The following ELFN2 variants were observed in gnomAD, a reference collection of about 807,000 sequenced individuals.
The protein encoded by ELFN2 is extracellular leucine rich repeat and fibronectin type III domain containing 2.
A neutral mutation model predicts 45.5 loss-of-function variants in ELFN2; 17 were observed. The observed-to-expected ratio is 0.37, with a 90% CI of 0.26 to 0.56. ELFN2 has a LOEUF of 0.56. Ranked by LOEUF, ELFN2 falls within the 20% of genes least tolerant of loss-of-function variation. The pLI is 0.77. For missense variants in ELFN2, 922 were observed against 1,183.2 expected (o/e 0.78, Z 3.24); for synonymous variants, 550 against 551.5 (o/e 1.00, Z 0.04).
chr22:37,372,114 C>G lies in ELFN2; in HGVS notation c.*958G>C, dbSNP rs1021562681. 1 of 152,478 alleles carries G rather than the reference C, an allele frequency of 6.6e-6. No homozygotes were observed. The highest frequency in any genetic ancestry group is 1.5e-5 in the Non-Finnish European group (1 of 68,122). The allele number at this position is 152,478 out of a possible 1,614,324, so 9.4% of individuals were successfully genotyped here. A position where few individuals can be genotyped will look rare whatever the true frequency, so the allele number is the denominator to read the frequency against. ...GGACCAGAGAAGCTGGGGCCGGGAG[C>G]CTGCACCTGAGACGTCCTGGGAGCT... On this transcript the variant is annotated 3_prime_UTR_variant, in exon 3 of 3. Coordinates refer to ENST00000402918, the MANE Select transcript of ELFN2 (RefSeq NM_052906.5). The surrounding 1 kb of genome is among the most constrained non-coding windows in gnomAD (Gnocchi z 4.4).
intron 1 of ELFN2, among the ~76,000 whole-genome samples, chr22:37,351,558 C>T (rs923912551): frequency 1.3e-5 from 2 of 148,970 alleles, no homozygotes; most frequent in Non-Finnish European, 3.0e-5. Context: ...TCTCACTCTG[C>T]CCCTTCCCCA....
In ELFN2 at chr22:37,373,740, G is replaced by A. The variant is rs758584905; in HGVS notation, c.1795C>T (p.Pro599Ser). ...SATGPGALER[P>S]SFLSPPYKES... ...TTGTAGGGAGGCGAAAGGAAGCTGG[G>A]CCGCTCCAGGGCCCCGGGGCCAGTG... The change falls in exon 3 of 3, where the codon CCC becomes TCC. Residue 599 changes from proline (P) to serine (S), a missense_variant. By Grantham distance (74) the Pro-to-Ser change is moderately conservative. Around this residue, in one of 2 missense-constraint regions of ELFN2, gnomAD observed 564 missense variants for 642.8 expected, o/e 0.88. Transcript: ENST00000402918. 2.6e-6 allele frequency: 4 copies of A among 1,564,172 alleles called. No individual in the cohort carries two copies. The highest frequency in any genetic ancestry group is 8.6e-7 in the Non-Finnish European group (1 of 1,162,562).
chr22:37,412,554 T>C (rs1932675034), intron 2 of ELFN2, among the ~76,000 whole-genome samples: 1 of 152,066 alleles, frequency 6.6e-6, no homozygotes, highest in East Asian at 1.9e-4. Flanking sequence ...CTCCTCTCCC[T>C]TCTTCCTGGC....
At chr22:37,411,652 T>C (rs910624175) in intron 2 of ELFN2, among the ~76,000 whole-genome samples, 1 of 152,144 alleles carries the variant, frequency 6.6e-6, no homozygotes, top group Non-Finnish European at 1.5e-5. Context: ...CTACCTCCTA[T>C]GCTGGGTGGG....
At chr22:37,410,845 C>T (rs528196392) in intron 2 of ELFN2, among the ~76,000 whole-genome samples, 69 of 152,336 alleles carry the variant, frequency 4.5e-4, no homozygotes, top group African/African-American at 1.5e-3. Context: ...GCTCCTTCCA[C>T]GACATCCTGT....
intron 2 of ELFN2, among the ~76,000 whole-genome samples, chr22:37,406,204 T>C (rs1307908444): frequency 6.6e-6 from 1 of 152,108 alleles, no homozygotes; most frequent in Non-Finnish European, 1.5e-5. Context: ...TGTACCATTG[T>C]CCCGAGGGCT....
intron 2 of ELFN2, among the ~76,000 whole-genome samples, chr22:37,416,986 T>G (rs1225744255): frequency 6.6e-6 from 1 of 151,590 alleles, no homozygotes; most frequent in African/African-American, 2.4e-5. Flanking sequence ...CCTTTCTCTG[T>G]CTCCTCCTCT....
At position 37,413,097 on chromosome 22, in the gene ELFN2, G is replaced by A. The variant is rs553309070; in HGVS notation, c.-463+4672C>T. On this transcript the variant is annotated intron_variant, in intron 2 of 2. Transcript: ENST00000402918. ...TGCAGGGGCTGCTGTGGCCACAGAC[G>A]GGGTGAGGTACAGGAAGAAAATCCC... Among the ~76,000 whole-genome samples the A allele has an allele frequency of 3.2e-3, 482 of 152,278 alleles. 8 individuals are homozygous for A. Among genetic ancestry groups the A allele is most frequent in the African/African-American group, 0.011 (453 of 41,562 alleles).
downstream of ELFN2, among the ~76,000 whole-genome samples, chr22:37,364,469 G>A (rs1019229050): frequency 5.9e-5 from 9 of 152,214 alleles, no homozygotes; most frequent in Non-Finnish European, 8.8e-5. Flanking sequence ...AGGGGACAGG[G>A]GCCAGCTGGG....
chr22:37,384,125 T>A (rs560695549), intron 2 of ELFN2, among the ~76,000 whole-genome samples: 66 of 152,114 alleles, frequency 4.3e-4, no homozygotes, highest in African/African-American at 1.6e-3. Flanking sequence ...ACCTACTCCA[T>A]GTCCAGGCCT....
At chr22:37,396,340 C>T (rs1043144051) in intron 2 of ELFN2, among the ~76,000 whole-genome samples, 5 of 152,202 alleles carry the variant, frequency 3.3e-5, no homozygotes, top group African/African-American at 1.2e-4. Context: ...GCTGTGTCCC[C>T]ACCATGTCCC....
intron 1 of ELFN2, among the ~76,000 whole-genome samples, chr22:37,424,604 C>G (rs1932834242): frequency 6.6e-6 from 1 of 151,980 alleles, no homozygotes; most frequent in South Asian, 2.1e-4. Context: ...AGCTCCATAT[C>G]TCTCCAGGAA....
chr22:37,387,188 C>A (rs1931969916), intron 2 of ELFN2, among the ~76,000 whole-genome samples: 1 of 152,290 alleles, frequency 6.6e-6, no homozygotes, highest in East Asian at 1.9e-4. Context: ...TGTCCCTGTC[C>A]CCTCTCTGAT....
In ELFN2 at chr22:37,369,903, T is replaced by C. The variant is rs114998534; in HGVS notation, c.*3169A>G. Reference sequence around the variant, plus strand: ...GGCCTGCCCCAGACCACAGCCCAGCTCCACCATGCTCATCATCATCACAAA... The same window carrying C: ...GGCCTGCCCCAGACCACAGCCCAGCCCCACCATGCTCATCATCATCACAAA... On this transcript the variant is annotated 3_prime_UTR_variant, in exon 3 of 3. Coordinates refer to ENST00000402918, the MANE Select transcript of ELFN2 (RefSeq NM_052906.5). 1,103 of 152,344 alleles carry C rather than the reference T, an allele frequency of 7.2e-3. 8 individuals carry two copies. The highest frequency in any genetic ancestry group is 0.025 in the African/African-American group (1,037 of 41,488). The allele number at this position is 152,344 out of a possible 1,614,324, so 9.4% of individuals were successfully genotyped here.
At chr22:37,416,637 C>G (rs968112783) in intron 2 of ELFN2, among the ~76,000 whole-genome samples, 1 of 152,102 alleles carries the variant, frequency 6.6e-6, no homozygotes, top group Non-Finnish European at 1.5e-5. Context: ...GCTGGTGCAG[C>G]AGGGTCTCCG....
rs527515286 is a variant in ELFN2 at position 37,374,397 on chromosome 22, G to A, written c.1138C>T (p.Arg380Trp). ...FNHTCLTFTT[R>W]DPVPGDLAPS... is the part of the protein sequence containing the mutation. ...GCCAAGTCTCCGGGGACGGGGTCCC[G>A]CGTGGTGAAGGTCAGGCAGGTGTGG... Residue 380 changes from arginine to tryptophan, a missense_variant, in exon 3 of 3, where the codon CGG (arginine) becomes TGG (tryptophan). By Grantham distance (101) the Arg-to-Trp change is moderately radical. Transcript: ENST00000402918. 5.3e-5 allele frequency: 86 copies of A among 1,613,746 alleles called. No individual in the cohort carries two copies. The highest frequency in any genetic ancestry group is 3.6e-4 in the East Asian group (16 of 44,886).
In ELFN2 at chr22:37,414,462, C is replaced by T. The variant is rs199739294; in HGVS notation, c.-463+3307G>A. Reference sequence around the variant, plus strand: ...GGAGCCTATGGGAAAATGCCTGGCACATAGCAGATGCTCAATAAACAGCAG... The same window carrying T: ...GGAGCCTATGGGAAAATGCCTGGCATATAGCAGATGCTCAATAAACAGCAG... On this transcript the variant is annotated intron_variant, in intron 2 of 2. Transcript: ENST00000402918. Among the ~76,000 whole-genome samples, 7 of 152,290 alleles carry T rather than the reference C, an allele frequency of 4.6e-5. No homozygotes were observed. The East Asian group carries it at 7.7e-4, about 17-fold the overall frequency.
At position 37,380,331 on chromosome 22, in the gene ELFN2, G is replaced by C. The variant is rs1349650664; in HGVS notation, c.-462-4335C>G. Among the ~76,000 whole-genome samples, 3 of 53,956 alleles carry C rather than the reference G, an allele frequency of 5.6e-5. No homozygotes were observed. In the Admixed American group the frequency reaches 6.8e-4, roughly 12 times the overall value. The allele number at this position is 53,956 out of a possible 152,430, so 35.4% of individuals were successfully genotyped here. A position where few individuals can be genotyped will look rare whatever the true frequency, so the allele number is the denominator to read the frequency against. On this transcript the variant is annotated intron_variant, in intron 2 of 2. Coordinates refer to ENST00000402918, the MANE Select transcript of ELFN2 (RefSeq NM_052906.5). ...CCCAGGTAAGCTGCAGGCCCTCTCCGAGCCTGTTTCTCCCCGTGTGGCAAG... is the reference window on the plus strand; with the variant it reads ...CCCAGGTAAGCTGCAGGCCCTCTCCCAGCCTGTTTCTCCCCGTGTGGCAAG...
At chr22:37,346,423 G>A (rs892749466) in intron 1 of ELFN2, among the ~76,000 whole-genome samples, 4 of 151,430 alleles carry the variant, frequency 2.6e-5, no homozygotes, top group African/African-American at 9.7e-5. Context: ...GGCCCTGGGT[G>A]GCCCTGGCAG....
Sources: gnomAD v4.1 joint callset for allele counts (sites outside exome capture counted in the v4.1 genomes callset) on GRCh38, gnomAD v4.1.1 for gene constraint, gnomAD v4.1.1 regional missense constraint, Gnocchi (gnomAD v3.1) non-coding constraint, MANE v1.5 for transcripts, NCBI Gene and HGNC (gene_info 2026-07-23, HGNC 2026-07-21) for gene names.